The following GABRG2 variants were observed in gnomAD, a reference collection of about 807,000 sequenced individuals.
GABRG2 encodes gamma-aminobutyric acid receptor subunit gamma-2.
Under a neutral mutation model 56.4 loss-of-function variants are expected in GABRG2, and 16 were observed. That is an observed-to-expected ratio of 0.28 (90% CI 0.19 to 0.43). The LOEUF (loss-of-function observed/expected upper bound fraction) is 0.43, where lower values mean the gene tolerates loss of function less well. GABRG2 is among the 20% of genes least tolerant of loss of function. The pLI is 1.00. For synonymous variants in GABRG2, 208 were observed against 205.5 expected (o/e 1.01, Z -0.10); for missense variants, 327 against 582.7 (o/e 0.56, Z 4.52).
chr5:162,080,208 A>C (rs983277512), intron 1 of GABRG2, among the ~76,000 whole-genome samples: 2 of 152,200 alleles, frequency 1.3e-5, no homozygotes, highest in Non-Finnish European at 2.9e-5. Flanking sequence ...GCAGACAGTA[A>C]ACAAACAAAC....
intron 6 of GABRG2, among the ~76,000 whole-genome samples, chr5:162,108,645 T>A (rs1331011165): frequency 2.6e-5 from 4 of 152,150 alleles, no homozygotes; most frequent in African/African-American, 9.7e-5. Context: ...TTACTAGTGG[T>A]GTGACTTTAT....
At chr5:162,134,330 ATACT>A (rs71669067) in intron 6 of GABRG2, among the ~76,000 whole-genome samples, 17,090 of 152,022 alleles carry the variant, frequency 0.11, 1,010 homozygotes, top group South Asian at 0.13. Flanking sequence ...TCTTTTTTGA[ATACT>A]TAGTAAGTTT....
chr5:162,122,003 A>T, intron 6 of GABRG2, among the ~76,000 whole-genome samples: 1 of 152,176 alleles, frequency 6.6e-6, no homozygotes, highest in Middle Eastern at 3.4e-3. Context: ...ACTTTCCAAT[A>T]TCTTAGTGTC....
At chr5:162,144,531 C>T (rs534279846) in intron 7 of GABRG2, among the ~76,000 whole-genome samples, 7 of 152,282 alleles carry the variant, frequency 4.6e-5, no homozygotes, top group Non-Finnish European at 8.8e-5. Flanking sequence ...ATTTGTAAGT[C>T]AGGAATGCTC....
intron 6 of GABRG2, among the ~76,000 whole-genome samples, chr5:162,126,064 A>T (rs940416642): frequency 2.6e-5 from 4 of 152,094 alleles, no homozygotes; most frequent in Admixed American, 6.6e-5. Context: ...AAATTTAAGA[A>T]ACTTAGAAGA....
intron 1 of GABRG2, among the ~76,000 whole-genome samples, chr5:162,074,855 T>G (rs931871278): frequency 2.0e-5 from 3 of 152,148 alleles, no homozygotes; most frequent in Admixed American, 1.3e-4. Flanking sequence ...GTTTAGAGAA[T>G]GCTAAGAGGT....
chr5:162,142,356 G>A (rs890846408), intron 7 of GABRG2, 40 bp downstream of exon 7: 41 of 1,604,076 alleles, frequency 2.6e-5, no homozygotes, highest in Non-Finnish European at 3.4e-5. Flanking sequence ...CTCAAGATAA[G>A]TACCAAATAC....
At chr5:162,113,842 C>T (rs900030473) in intron 6 of GABRG2, among the ~76,000 whole-genome samples, 2 of 152,242 alleles carry the variant, frequency 1.3e-5, no homozygotes, top group Non-Finnish European at 2.9e-5. Flanking sequence ...ATCACATTTC[C>T]TTATGGGTGG....
intron 1 of GABRG2, among the ~76,000 whole-genome samples, chr5:162,082,183 T>C (rs1240759249): frequency 1.3e-5 from 2 of 151,722 alleles, no homozygotes; most frequent in Non-Finnish European, 3.0e-5. Flanking sequence ...ATAGGGAAGA[T>C]GGGGGAAGAA....
At chr5:162,078,876 C>T (rs1759416409) in intron 1 of GABRG2, among the ~76,000 whole-genome samples, 2 of 151,324 alleles carry the variant, frequency 1.3e-5, no homozygotes, top group African/African-American at 2.4e-5. Context: ...ATTTTAAAGC[C>T]TGAAATAATA....
intron 6 of GABRG2, among the ~76,000 whole-genome samples, chr5:162,124,460 A>G (rs952127246): frequency 6.6e-6 from 1 of 151,910 alleles, no homozygotes; most frequent in Non-Finnish European, 1.5e-5. Flanking sequence ...GAAAAACAGC[A>G]TAGAATAGGT....
chr5:162,070,637 CAA>C lies in GABRG2; in HGVS notation c.107+2533_107+2534del, dbSNP rs556702289. ...AGTCTATGTCTTTACAAAAGTGAAA[CAA>C]AGAGAAAAATAAAGCATCGTAGTGA... On this transcript the variant is annotated intron_variant, in intron 1 of 9. Transcript: ENST00000639213. Among the ~76,000 whole-genome samples, 51 of 151,792 alleles carry C rather than the reference CAA, an allele frequency of 3.4e-4. 1 individual carries two copies. The highest frequency in any genetic ancestry group is 9.2e-4 in the African/African-American group (38 of 41,434).
At chr5:162,088,741 T>A (rs2113257950) in intron 1 of GABRG2, among the ~76,000 whole-genome samples, 1 of 152,252 alleles carries the variant, frequency 6.6e-6, no homozygotes, top group African/African-American at 2.4e-5. Context: ...AATGTTTAGT[T>A]TTGGCCAACT....
chr5:162,107,900 T>C (rs574883146), intron 6 of GABRG2, among the ~76,000 whole-genome samples: 1 of 152,310 alleles, frequency 6.6e-6, no homozygotes, highest in African/African-American at 2.4e-5. Context: ...ATTTTGTCTG[T>C]TCTCATCTGG....
At chr5:162,135,850 A>G (rs1304599791) in intron 6 of GABRG2, among the ~76,000 whole-genome samples, 2 of 152,092 alleles carry the variant, frequency 1.3e-5, no homozygotes, top group African/African-American at 2.4e-5. Flanking sequence ...AAGAATCACT[A>G]TTTAATATGA....
chr5:162,117,553 A>G (rs745819050), intron 6 of GABRG2, among the ~76,000 whole-genome samples: 11 of 152,176 alleles, frequency 7.2e-5, no homozygotes, highest in South Asian at 4.1e-4. Context: ...AATCTTAACA[A>G]TTGAGCTACG....
chr5:162,116,067 G>A (rs964846896), intron 6 of GABRG2, among the ~76,000 whole-genome samples: 3 of 151,522 alleles, frequency 2.0e-5, no homozygotes, highest in Non-Finnish European at 4.4e-5. Context: ...CTGACTGACA[G>A]TCTGATTCCA....
intron 1 of GABRG2, among the ~76,000 whole-genome samples, chr5:162,086,414 T>C (rs1161629084): frequency 6.6e-6 from 1 of 152,078 alleles, no homozygotes; most frequent in East Asian, 1.9e-4. Context: ...GCTTTTAACC[T>C]CCATAGCTAA....
intron 1 of GABRG2, among the ~76,000 whole-genome samples, chr5:162,077,177 A>G (rs914669686): frequency 1.3e-5 from 2 of 150,710 alleles, no homozygotes; most frequent in African/African-American, 4.9e-5. Flanking sequence ...CTTCTCTCCA[A>G]TCCCTGCTTG....
Sources: gnomAD v4.1 joint callset for allele counts (sites outside exome capture counted in the v4.1 genomes callset) on GRCh38, gnomAD v4.1.1 for gene constraint, MANE v1.5 for transcripts, NCBI Gene and HGNC (gene_info 2026-07-23, HGNC 2026-07-21) for gene names.